Variants in CNTN5 observed in about 807,000 individuals in gnomAD.
CNTN5 encodes contactin-5.
Under a neutral mutation model 129.1 loss-of-function variants are expected in CNTN5, and 77 were observed. The ratio of observed to expected loss-of-function variants is 0.60; its 90% CI spans 0.50 to 0.72. The LOEUF (loss-of-function observed/expected upper bound fraction) is 0.72, where lower values mean the gene tolerates loss of function less well. Among genes scored for constraint, CNTN5 ranks in the 30% least tolerant of loss-of-function variants. The pLI, the probability that CNTN5 is intolerant of heterozygous loss-of-function variation, is 0.00. For missense variants in CNTN5, 1,478 were observed against 1,328.8 expected (o/e 1.11, Z -1.75); for synonymous variants, 509 against 465.6 (o/e 1.09, Z -1.20).
chr11:100,127,673 T>TTTTTTTTTTTTTC (rs1946238684), intron 13 of CNTN5, among the ~76,000 whole-genome samples: 1 of 132,674 alleles, frequency 7.5e-6, no homozygotes, highest in Non-Finnish European at 1.6e-5. Flanking sequence ...TTTTTTTTTT[T>TTTTTTTTTTTTTC]TTGAGATGGA....
At chr11:99,716,929 A>G (rs1254491191) in intron 3 of CNTN5, among the ~76,000 whole-genome samples, 1 of 152,110 alleles carries the variant, frequency 6.6e-6, no homozygotes, top group African/African-American at 2.4e-5. Flanking sequence ...ATATAGTTTC[A>G]TACTCAAGGA....
chr11:99,200,261 A>G (rs1294491643), intron 1 of CNTN5, among the ~76,000 whole-genome samples: 3 of 152,194 alleles, frequency 2.0e-5, no homozygotes, highest in East Asian at 1.9e-4. Flanking sequence ...TGGATTTTCT[A>G]TGAATAATAA....
chr11:99,514,094 C>A (rs956231291), intron 2 of CNTN5, among the ~76,000 whole-genome samples: 1 of 152,000 alleles, frequency 6.6e-6, no homozygotes, highest in East Asian at 1.9e-4. Context: ...TTTTAACCCT[C>A]ATGGATGAAT....
intron 18 of CNTN5, among the ~76,000 whole-genome samples, 154 bp downstream of exon 18, chr11:100,271,395 T>G: frequency 6.6e-6 from 1 of 152,304 alleles, no homozygotes; most frequent in Non-Finnish European, 1.5e-5. Context: ...TTAAAATAAT[T>G]ATTTCATTTT....
At chr11:99,937,632 A>G (rs1357900473) in intron 7 of CNTN5, among the ~76,000 whole-genome samples, 1 of 152,100 alleles carries the variant, frequency 6.6e-6, no homozygotes, top group Non-Finnish European at 1.5e-5. Context: ...ACGGAAGGAG[A>G]AAAGGGAAAA....
chr11:99,419,582 A>C (rs951167515), intron 2 of CNTN5, among the ~76,000 whole-genome samples: 1 of 152,264 alleles, frequency 6.6e-6, no homozygotes, highest in East Asian at 1.9e-4. Flanking sequence ...GAAATTAGTG[A>C]CAATACTAAG....
intron 3 of CNTN5, among the ~76,000 whole-genome samples, chr11:99,648,445 G>A (rs1470453077): frequency 6.6e-6 from 1 of 151,868 alleles, no homozygotes; most frequent in Non-Finnish European, 1.5e-5. Context: ...GTGGAGAAAA[G>A]GGAACTCTTG....
chr11:99,125,861 G>C (rs1362984342), intron 1 of CNTN5, among the ~76,000 whole-genome samples: 1 of 151,886 alleles, frequency 6.6e-6, no homozygotes, highest in Non-Finnish European at 1.5e-5. Flanking sequence ...AATGATCCAA[G>C]GTACAATGAA....
intron 13 of CNTN5, among the ~76,000 whole-genome samples, chr11:100,085,172 G>A (rs909439111): frequency 1.3e-5 from 2 of 151,984 alleles, no homozygotes; most frequent in African/African-American, 2.4e-5. Flanking sequence ...CTAACTTCCG[G>A]TCTTTTTTTC....
At chr11:99,479,594 A>G (rs865994890) in intron 2 of CNTN5, among the ~76,000 whole-genome samples, 1 of 152,096 alleles carries the variant, frequency 6.6e-6, no homozygotes, top group African/African-American at 2.4e-5. Context: ...TTTTAAATCT[A>G]GAAATACATC....
intron 2 of CNTN5, among the ~76,000 whole-genome samples, chr11:99,433,329 T>C (rs2221419): frequency 0.98 from 148,972 of 151,436 alleles, 73,326 homozygotes; most frequent in East Asian, 1. Context: ...GAGAAAAAAC[T>C]GTAATCATAA....
At chr11:100,018,426 G>A (rs996364105) in intron 9 of CNTN5, among the ~76,000 whole-genome samples, 20 of 151,830 alleles carry the variant, frequency 1.3e-4, no homozygotes, top group Non-Finnish European at 1.5e-4. Flanking sequence ...TCTTTTGACC[G>A]AGAGTGGGAG....
At position 99,496,758 on chromosome 11, in the gene CNTN5, A is replaced by C. The variant is rs116684613; in HGVS notation, c.-70-59387A>C. Reference sequence around the variant, plus strand: ...GTGAAGTTGTTAGGATGCCTTCTCAAGAGGTGGTAAGTAACTGGGGTTGGA... The same window carrying C: ...GTGAAGTTGTTAGGATGCCTTCTCACGAGGTGGTAAGTAACTGGGGTTGGA... On this transcript the variant is annotated intron_variant, in intron 2 of 24. Transcript: ENST00000524871. Among the ~76,000 whole-genome samples, 423 of 152,318 alleles carry C rather than the reference A, an allele frequency of 2.8e-3. 2 individuals carry two copies. The highest frequency in any genetic ancestry group is 9.5e-3 in the African/African-American group (393 of 41,580).
At chr11:99,083,529 T>C (rs1029803208) in intron 1 of CNTN5, among the ~76,000 whole-genome samples, 1 of 152,188 alleles carries the variant, frequency 6.6e-6, no homozygotes, top group Non-Finnish European at 1.5e-5. Context: ...AATTAGTGTA[T>C]AATATTGATT....
chr11:99,887,870 C>G (rs1948940687), intron 6 of CNTN5, among the ~76,000 whole-genome samples: 1 of 152,204 alleles, frequency 6.6e-6, no homozygotes, highest in Non-Finnish European at 1.5e-5. Context: ...TTGATGTCCA[C>G]CTAGATTGAG....
chr11:99,562,464 T>G (rs777494801), intron 3 of CNTN5, among the ~76,000 whole-genome samples: 5 of 152,162 alleles, frequency 3.3e-5, no homozygotes, highest in Non-Finnish European at 5.9e-5. Flanking sequence ...AAATAAATTA[T>G]CTTTTCTCCT....
intron 21 of CNTN5, among the ~76,000 whole-genome samples, chr11:100,324,540 C>T (rs1312743130): frequency 1.3e-5 from 2 of 152,124 alleles, no homozygotes; most frequent in Non-Finnish European, 2.9e-5. Context: ...TATTCAAGTA[C>T]ATCAGTTATA....
chr11:99,543,169 C>T (rs1948170506), intron 2 of CNTN5, among the ~76,000 whole-genome samples: 1 of 152,138 alleles, frequency 6.6e-6, no homozygotes, highest in Non-Finnish European at 1.5e-5. Flanking sequence ...CTCAGTTTGA[C>T]TCTACAGAAT....
intron 1 of CNTN5, among the ~76,000 whole-genome samples, chr11:99,165,598 A>G (rs1465350721): frequency 6.6e-6 from 1 of 152,204 alleles, no homozygotes; most frequent in Non-Finnish European, 1.5e-5. Context: ...CTCAAAGGGT[A>G]CATTAATTGC....
Sources: allele counts gnomAD v4.1 joint callset (sites outside exome capture counted in the v4.1 genomes callset), GRCh38; gene constraint gnomAD v4.1.1; transcripts MANE v1.5; gene names NCBI Gene and HGNC (gene_info 2026-07-23, HGNC 2026-07-21).